FARP1: variants seen among roughly 807,000 people sequenced by gnomAD.
FARP1 encodes FERM, ARHGEF and pleckstrin domain-containing protein 1.
FARP1 carries 52 observed loss-of-function variants against 128.8 expected under a neutral mutation model. The observed-to-expected ratio is 0.40, with a 90% CI of 0.32 to 0.51. The LOEUF (loss-of-function observed/expected upper bound fraction) is 0.51. FARP1 is among the 20% of genes least tolerant of loss of function. The probability of loss-of-function intolerance (pLI) is 0.45; values close to 1 mark genes in which losing one functional copy is unlikely to be tolerated. For synonymous variants in FARP1, 580 were observed against 551.8 expected, an observed-to-expected ratio of 1.05 and a Z score of -0.72; for missense variants, 1,333 against 1,367.9, an observed-to-expected ratio of 0.97 and a Z score of 0.40.
rs750818311 is a variant in FARP1, at chr13:98,424,577, G to C, written c.1832G>C (p.Gly611Ala). ...CCCTTTGCTTTTGCTCTCAGGGAAG[G>C]CCGCTCAAATGCCCAAATCAGAGAT... is the stretch of plus-strand genomic sequence containing the variant. ...EIEQRLALWE[G>A]RSNAQIRDYQ... is the part of the protein sequence containing the mutation. Residue 611 changes from glycine (G) to alanine (A), a missense_variant, in exon 17 of 27, where the codon GGC becomes GCC. Around this residue, in one of 2 missense-constraint regions of FARP1, gnomAD observed 1,009 missense variants for 969.8 expected, o/e 1.04. Coordinates refer to ENST00000319562, the MANE Select transcript of FARP1 (RefSeq NM_005766.4). 10 of 1,611,934 alleles carry C rather than the reference G, an allele frequency of 6.2e-6. No individual in the cohort carries two copies. The highest frequency in any genetic ancestry group is 1.1e-5 in the South Asian group (1 of 91,046).
chr13:98,263,626 G>T lies in FARP1; in HGVS notation c.171+50213G>T, dbSNP rs369246753. On this transcript the variant is annotated intron_variant, in intron 2 of 26. Transcript: ENST00000319562. ...ATACACAGTTTTTCAATTAGCAATT[G>T]CTCTTTGAAGCAATCTCTTCTAAGG... is the stretch of plus-strand genomic sequence containing the variant. 9.9e-5 allele frequency among the ~76,000 whole-genome samples: 15 copies of T among 152,162 alleles called. No individual in the cohort carries two copies. The East Asian group carries it at 1.2e-3, about 12-fold the overall frequency.
At chr13:98,313,099 T>C (rs1180669023) in intron 2 of FARP1, among the ~76,000 whole-genome samples, 1 of 143,706 alleles carries the variant, frequency 7.0e-6, no homozygotes, top group African/African-American at 2.6e-5. Context: ...TGGAATCGGG[T>C]GGGTCATAAT....
In FARP1 at chr13:98,451,092, A is replaced by ACC. The variant is rs1219148824; in HGVS notation, c.*2776_*2777insCC. 1 of 152,168 alleles carries ACC rather than the reference A, an allele frequency of 6.6e-6. No homozygotes were observed. The highest frequency in any genetic ancestry group is 1.5e-5 in the Non-Finnish European group (1 of 68,048). The allele number at this position is 152,168 out of a possible 1,614,324, so 9.4% of individuals were successfully genotyped here. ...ACCCAGTCCCTCGAGCGGCTCACCC[A>ACC]CTGTTACTAGCATGAGACTGGCTTC... is the stretch of plus-strand genomic sequence containing the variant. On this transcript the variant is annotated 3_prime_UTR_variant, in exon 27 of 27. Transcript: ENST00000319562.
At chr13:98,305,158 A>T (rs1170036215) in intron 2 of FARP1, among the ~76,000 whole-genome samples, 1 of 150,806 alleles carries the variant, frequency 6.6e-6, no homozygotes, top group Non-Finnish European at 1.5e-5. Context: ...TTATTTATTT[A>T]TTTATTTTCC....
At chr13:98,307,449 C>T (rs2139725372) in intron 2 of FARP1, among the ~76,000 whole-genome samples, 1 of 152,232 alleles carries the variant, frequency 6.6e-6, no homozygotes, top group East Asian at 1.9e-4. Context: ...CTGACTTGCC[C>T]ATCTCTGTCT....
intron 1 of FARP1, among the ~76,000 whole-genome samples, chr13:98,166,768 G>T (rs148260656): frequency 2.0e-5 from 3 of 150,676 alleles, no homozygotes; most frequent in Admixed American, 1.3e-4. Flanking sequence ...TGTCACTGTG[G>T]CTGAAGTGCA....
chr13:98,179,839 T>A (rs1254370645), intron 1 of FARP1, among the ~76,000 whole-genome samples: 2 of 151,794 alleles, frequency 1.3e-5, no homozygotes, highest in Non-Finnish European at 1.5e-5. Context: ...CCTGGGTGAC[T>A]GAGCAAGACT....
chr13:98,441,126 G>C (rs542373654), intron 24 of FARP1, among the ~76,000 whole-genome samples: 1 of 152,312 alleles, frequency 6.6e-6, no homozygotes, highest in Admixed American at 6.5e-5. Context: ...TTCTTCGCCT[G>C]TTTTCTTGCC....
chr13:98,271,781 G>A (rs1474815224), intron 2 of FARP1, among the ~76,000 whole-genome samples: 3 of 152,146 alleles, frequency 2.0e-5, no homozygotes, highest in Non-Finnish European at 4.4e-5. Context: ...TGGTGTATAT[G>A]TGCCACATTT....
chr13:98,173,068 G>GT (rs1189630010), intron 1 of FARP1, among the ~76,000 whole-genome samples: 1 of 152,172 alleles, frequency 6.6e-6, no homozygotes, highest in Non-Finnish European at 1.5e-5. Context: ...TCAATCTCGT[G>GT]TTTTTTAGCT....
intron 2 of FARP1, among the ~76,000 whole-genome samples, chr13:98,308,765 T>C (rs1357117381): frequency 6.6e-6 from 1 of 152,032 alleles, no homozygotes; most frequent in Non-Finnish European, 1.5e-5. Context: ...GCCTCCTGGG[T>C]TCAAGTGATC....
At chr13:98,372,228 A>C (rs1056183855) in intron 5 of FARP1, among the ~76,000 whole-genome samples, 4 of 152,108 alleles carry the variant, frequency 2.6e-5, no homozygotes, top group Non-Finnish European at 1.5e-5. Context: ...CTGAGACTAC[A>C]GGCACGTGCC....
rs894052907 is a variant in FARP1 at position 98,244,869 on chromosome 13, T to C, written c.171+31456T>C. The C allele has an allele frequency of 3.3e-5, 47 of 1,440,236 alleles. No individual in the cohort carries two copies. The African/African-American group carries it at 6.2e-4, about 19-fold the overall frequency. The allele number at this position is 1,440,236 out of a possible 1,614,324, so 89.2% of individuals were successfully genotyped here. ...AGATGTGATCTCAGATACGTGAAGC[T>C]GCATACAGAGGGGCCCATCCACTCC... is the stretch of plus-strand genomic sequence containing the variant. On this transcript the variant is annotated intron_variant, in intron 2 of 26. Transcript: ENST00000319562.
chr13:98,356,524 G>A (rs895528943), intron 3 of FARP1, among the ~76,000 whole-genome samples: 7 of 152,040 alleles, frequency 4.6e-5, no homozygotes, highest in African/African-American at 1.7e-4. Flanking sequence ...TCCTAATCAT[G>A]TATTTTAAAA....
intron 2 of FARP1, among the ~76,000 whole-genome samples, chr13:98,227,188 C>T (rs933156502): frequency 2.3e-4 from 35 of 152,120 alleles, no homozygotes; most frequent in African/African-American, 8.0e-4. Context: ...ATGATCCGCC[C>T]GCCTTGGCCT....
chr13:98,186,632 T>C (rs1965190292), intron 1 of FARP1, among the ~76,000 whole-genome samples: 1 of 152,180 alleles, frequency 6.6e-6, no homozygotes, highest in South Asian at 2.1e-4. Flanking sequence ...AATAATCCAT[T>C]GTATGTATAT....
chr13:98,167,557 C>T (rs1159919926), intron 1 of FARP1, among the ~76,000 whole-genome samples: 1 of 151,686 alleles, frequency 6.6e-6, no homozygotes, highest in African/African-American at 2.4e-5. Flanking sequence ...TTATAGGTGT[C>T]GACCACCACG....
intron 2 of FARP1, among the ~76,000 whole-genome samples, chr13:98,258,690 T>C (rs1313904519): frequency 6.6e-6 from 1 of 151,740 alleles, no homozygotes; most frequent in Admixed American, 6.6e-5. Context: ...TACATCTCTA[T>C]TGTGGGGAAA....
chr13:98,182,864 C>T (rs1363976420), intron 1 of FARP1, among the ~76,000 whole-genome samples: 2 of 152,204 alleles, frequency 1.3e-5, no homozygotes, highest in African/African-American at 4.8e-5. Flanking sequence ...CTTTCTTTTG[C>T]ACATGACTAG....
Sources: allele counts gnomAD v4.1 joint callset (sites outside exome capture counted in the v4.1 genomes callset), GRCh38; gene constraint gnomAD v4.1.1; regional missense constraint gnomAD v4.1.1; transcripts MANE v1.5; gene names NCBI Gene and HGNC (gene_info 2026-07-23, HGNC 2026-07-21).